GSE1: variants seen among roughly 807,000 people sequenced by gnomAD.
GSE1 encodes genetic suppressor element 1.
In GSE1, 32 loss-of-function variants were observed where a neutral mutation model predicts 112.6. The ratio of observed to expected loss-of-function variants is 0.28; its 90% CI spans 0.21 to 0.38. The LOEUF (loss-of-function observed/expected upper bound fraction) is 0.38. GSE1 is among the 10% of genes least tolerant of loss of function. GSE1 has a pLI of 1.00. For missense variants in GSE1, 2,348 were observed against 1,699.2 expected, an observed-to-expected ratio of 1.38 and a Z score of -6.71; for synonymous variants, 1,115 against 735.6, an observed-to-expected ratio of 1.52 and a Z score of -8.35.
chr16:85,492,836 C>T (rs114847572), intron 2 of GSE1, among the ~76,000 whole-genome samples: 3 of 152,264 alleles, frequency 2.0e-5, no homozygotes, highest in East Asian at 3.9e-4. Context: ...ACATGTTCAT[C>T]CTAGGAGTAT....
In GSE1 at chr16:85,665,047, A is replaced by T; in HGVS notation, c.2677A>T (p.Met893Leu). ...GAGACTTGTTGAAATGCTCCGTGCC[A>T]TGAAGCAGAAGGCACTGTCAGCAGC... Reference protein sequence around the residue: ...KERLVEMLRAMKQKALSAAVA... With the variant: ...KERLVEMLRALKQKALSAAVA... Residue 893 changes from methionine to leucine, a missense_variant, in exon 12 of 16, where the codon ATG (methionine) becomes TTG (leucine). Coordinates refer to ENST00000253458, the MANE Select transcript of GSE1 (RefSeq NM_014615.5). 6.2e-7 allele frequency: 1 copy of T among 1,611,824 alleles called. No homozygotes were observed. The highest frequency in any genetic ancestry group is 8.5e-7 in the Non-Finnish European group (1 of 1,178,088).
chr16:85,675,246 G>C lies in GSE1; in HGVS notation c.*2707G>C, dbSNP rs904836982. On this transcript the variant is annotated 3_prime_UTR_variant, in exon 16 of 16. Transcript: ENST00000253458. ...CCTGTGTGTCAGGATGCACCTGAAA[G>C]CCCTCGGCTCGGTCCTTAGACCATC... The C allele has an allele frequency of 6.6e-6, 1 of 152,130 alleles. No homozygotes were observed. Among genetic ancestry groups the C allele is most frequent in the Non-Finnish European group, 1.5e-5 (1 of 68,016 alleles). The allele number at this position is 152,130 out of a possible 1,614,324, so 9.4% of individuals were successfully genotyped here. A position where few individuals can be genotyped will look rare whatever the true frequency, so the allele number is the denominator to read the frequency against.
intron 2 of GSE1, among the ~76,000 whole-genome samples, chr16:85,638,296 T>C (rs2050167342): frequency 6.6e-6 from 1 of 152,162 alleles, no homozygotes; most frequent in Non-Finnish European, 1.5e-5. Context: ...GATTTATTTT[T>C]CTGGAGGCGC....
chr16:85,344,214 G>A (rs979985596), intron 1 of GSE1, among the ~76,000 whole-genome samples: 3 of 152,184 alleles, frequency 2.0e-5, no homozygotes, highest in Admixed American at 2.0e-4. Flanking sequence ...GCTAGGGATA[G>A]TGCCCAGGGG....
chr16:85,254,416 C>T (rs905854237), intron 1 of GSE1, among the ~76,000 whole-genome samples: 6 of 152,220 alleles, frequency 3.9e-5, no homozygotes, highest in African/African-American at 7.2e-5. Flanking sequence ...TCTCCCACAG[C>T]GCCTCGCACA....
At chr16:85,170,807 C>T (rs1314502039) in exon 1 of GSE1, 6 of 985,458 alleles carry the variant, frequency 6.1e-6, no homozygotes, top group African/African-American at 1.7e-5. Flanking sequence ...TGCTTCTCCT[C>T]CCTCACGCAG....
intron 2 of GSE1, among the ~76,000 whole-genome samples, chr16:85,360,511 A>G (rs929143534): frequency 6.6e-6 from 1 of 152,200 alleles, no homozygotes; most frequent in Non-Finnish European, 1.5e-5. Flanking sequence ...CTGGGCAGCC[A>G]CTGCTGCTCA....
At chr16:85,481,757 G>C (rs2050687937) in intron 2 of GSE1, among the ~76,000 whole-genome samples, 2 of 152,232 alleles carry the variant, frequency 1.3e-5, no homozygotes, top group Non-Finnish European at 2.9e-5. Context: ...CCAATGCCCG[G>C]CACTTTGGGA....
intron 2 of GSE1, among the ~76,000 whole-genome samples, chr16:85,495,188 G>A (rs2051131295): frequency 1.3e-5 from 2 of 152,172 alleles, no homozygotes; most frequent in South Asian, 2.1e-4. Context: ...CCTGTTCCCC[G>A]AAAGCCAAGG....
At chr16:85,192,911 T>A (rs971326532) in intron 1 of GSE1, among the ~76,000 whole-genome samples, 2 of 152,066 alleles carry the variant, frequency 1.3e-5, no homozygotes, top group African/African-American at 4.8e-5. Flanking sequence ...CAAACAAGAG[T>A]GACCCCTGTT....
At chr16:85,590,366 TGTGA>T (rs571239908) in intron 1 of GSE1, among the ~76,000 whole-genome samples, 129 of 146,316 alleles carry the variant, frequency 8.8e-4, no homozygotes, top group Admixed American at 1.2e-3. Flanking sequence ...TGTGAATGAG[TGTGA>T]GTGTGTGAGA....
intron 2 of GSE1, among the ~76,000 whole-genome samples, chr16:85,427,197 C>G (rs2049014103): frequency 6.6e-6 from 1 of 152,326 alleles, no homozygotes; most frequent in African/African-American, 2.4e-5. Context: ...GGAGAAGTAT[C>G]TCCCAGACCC....
intron 1 of GSE1, among the ~76,000 whole-genome samples, chr16:85,208,093 A>G (rs2143626808): frequency 6.6e-6 from 1 of 152,252 alleles, no homozygotes; most frequent in East Asian, 1.9e-4. Context: ...GAGCAGCATT[A>G]GGAGGGAGTC....
intron 1 of GSE1, among the ~76,000 whole-genome samples, chr16:85,339,989 T>C (rs943539216): frequency 5.3e-5 from 8 of 152,352 alleles, no homozygotes; most frequent in African/African-American, 1.7e-4. Flanking sequence ...AGGCTTGTTT[T>C]ATGTCCCCTG....
rs927864965 is a variant in GSE1, at chr16:85,373,969, C to T, written c.2464+16326C>T. 7.2e-5 allele frequency among the ~76,000 whole-genome samples: 11 copies of T among 152,228 alleles called. No individual in the cohort carries two copies. The highest frequency in any genetic ancestry group is 2.4e-4 in the African/African-American group (10 of 41,460). ...CAGCGGCGCCTTATCCATCGCCCCA[C>T]GGTGGCTGCATGTGCGTATGTGTGT... On this transcript the variant is annotated intron_variant, in intron 2 of 2. Coordinates refer to the GSE1 transcript ENST00000637419. The surrounding 1 kb of genome is among the most constrained non-coding windows in gnomAD (Gnocchi z 5.1).
At chr16:85,204,816 T>A (rs887134510) in intron 1 of GSE1, among the ~76,000 whole-genome samples, 1 of 152,056 alleles carries the variant, frequency 6.6e-6, no homozygotes, top group South Asian at 2.1e-4. Flanking sequence ...TGCCCCCCAG[T>A]CCCCCACACC....
In GSE1 at chr16:85,187,369, C is replaced by T. The variant is rs185317547; in HGVS notation, c.2283+15562C>T. Among the ~76,000 whole-genome samples the T allele has an allele frequency of 3.9e-5, 6 of 152,372 alleles. No individual in the cohort carries two copies. In the East Asian group the frequency reaches 5.8e-4, roughly 15 times the overall value. ...CAGTGCTGGGGGCAGCTTCAGGCTGCGCCAAGGCCCTGGGGAGCACCGGGG... is the reference window on the plus strand; with the variant it reads ...CAGTGCTGGGGGCAGCTTCAGGCTGTGCCAAGGCCCTGGGGAGCACCGGGG... On this transcript the variant is annotated intron_variant, in intron 1 of 2. Transcript: ENST00000637419.
chr16:85,670,364 A>G (rs1375792754), intron 14 of GSE1, among the ~76,000 whole-genome samples: 1 of 151,710 alleles, frequency 6.6e-6, no homozygotes, highest in Non-Finnish European at 1.5e-5. Flanking sequence ...CCATTTCCGG[A>G]GTTTTTCATC....
chr16:85,456,177 G>A (rs1412696635), intron 2 of GSE1, among the ~76,000 whole-genome samples: 7 of 152,176 alleles, frequency 4.6e-5, no homozygotes, highest in Admixed American at 4.6e-4. Context: ...ACAGTATTTT[G>A]GAGGACACCT....
Sources: gnomAD v4.1 joint callset for allele counts (sites outside exome capture counted in the v4.1 genomes callset) on GRCh38, gnomAD v4.1.1 for gene constraint, Gnocchi (gnomAD v3.1) non-coding constraint, MANE v1.5 for transcripts, NCBI Gene and HGNC (gene_info 2026-07-23, HGNC 2026-07-21) for gene names.